Variants in PSMA8 observed in about 807,000 individuals in gnomAD.
PSMA8 encodes proteasome subunit alpha-type 8.
PSMA8 carries 18 observed loss-of-function variants against 32.4 expected under a neutral mutation model. The ratio of observed to expected loss-of-function variants is 0.56; its 90% CI spans 0.38 to 0.82. The LOEUF (loss-of-function observed/expected upper bound fraction) is 0.82, where lower values mean the gene tolerates loss of function less well. Among genes scored for constraint, PSMA8 ranks in the 40% least tolerant of loss-of-function variants. PSMA8 has a pLI of 0.00. For missense variants in PSMA8, 298 were observed against 300.7 expected, an observed-to-expected ratio of 0.99 and a Z score of 0.07; for synonymous variants, 104 against 98.1, an observed-to-expected ratio of 1.06 and a Z score of -0.36.
At chr18:26,140,522 A>G (rs1487933830) in intron 1 of PSMA8, among the ~76,000 whole-genome samples, 1 of 152,174 alleles carries the variant, frequency 6.6e-6, no homozygotes, top group Non-Finnish European at 1.5e-5. Context: ...TTCTTTTCTT[A>G]GGAAGTATTT....
intron 1 of PSMA8, among the ~76,000 whole-genome samples, chr18:26,136,668 G>A (rs1469360353): frequency 6.6e-6 from 1 of 152,088 alleles, no homozygotes; most frequent in Non-Finnish European, 1.5e-5. Flanking sequence ...ACAGAATATT[G>A]TACAGTATTT....
At chr18:26,134,969 A>G (rs2054900230) in intron 1 of PSMA8, among the ~76,000 whole-genome samples, 1 of 152,144 alleles carries the variant, frequency 6.6e-6, no homozygotes, top group African/African-American at 2.4e-5. Context: ...AAAAAAAAAA[A>G]AATCCCAAAA....
chr18:26,163,303 A>T (rs185400174), intron 4 of PSMA8, among the ~76,000 whole-genome samples: 116 of 145,900 alleles, frequency 8.0e-4, no homozygotes, highest in Non-Finnish European at 1.2e-3. Flanking sequence ...GAGGATAGAG[A>T]ATGACTGATA....
At chr18:26,164,469 A>T (rs1009155757) in intron 4 of PSMA8, among the ~76,000 whole-genome samples, 1 of 152,230 alleles carries the variant, frequency 6.6e-6, no homozygotes, top group Non-Finnish European at 1.5e-5. Context: ...TAAGAGGATA[A>T]ACTGGCATTA....
At chr18:26,159,465 T>C (rs1416307446) in intron 4 of PSMA8, among the ~76,000 whole-genome samples, 1 of 152,144 alleles carries the variant, frequency 6.6e-6, no homozygotes, top group Non-Finnish European at 1.5e-5. Context: ...ATCTCTTACC[T>C]GTACTAGATT....
At chr18:26,144,721 T>C in intron 2 of PSMA8, 36 bp downstream of exon 2, 4 of 1,606,990 alleles carry the variant, frequency 2.5e-6, no homozygotes, top group Non-Finnish European at 3.4e-6. Flanking sequence ...GCATAGTGTC[T>C]TACTGTAGTA....
intron 6 of PSMA8, among the ~76,000 whole-genome samples, chr18:26,183,525 A>G (rs193265074): frequency 6.6e-6 from 1 of 150,942 alleles, no homozygotes. Flanking sequence ...ATGTGGTACA[A>G]ATAGCAAGAG....
At chr18:26,165,436 G>A (rs2055170498) in intron 4 of PSMA8, among the ~76,000 whole-genome samples, 2 of 152,150 alleles carry the variant, frequency 1.3e-5, no homozygotes, top group African/African-American at 4.8e-5. Context: ...CTTTTCGTAA[G>A]TTTAAATTTT....
chr18:26,142,480 G>A (rs1014881894), intron 1 of PSMA8, among the ~76,000 whole-genome samples: 1 of 152,090 alleles, frequency 6.6e-6, no homozygotes, highest in African/African-American at 2.4e-5. Context: ...AGAAAAAGGA[G>A]CAATAGTCAC....
Position 26,191,923 on chromosome 18 carries a change from T to G in PSMA8, c.661-396T>G, listed in dbSNP as rs1001573520. On this transcript the variant is annotated intron_variant, in intron 6 of 6. Transcript: ENST00000415576. ...CTTTTCCCATTTCATTTCGCTATTC[T>G]ATAAACTGATCAAATTATTAAACCC... 2.6e-5 allele frequency among the ~76,000 whole-genome samples: 4 copies of G among 152,244 alleles called. No homozygotes were observed. The South Asian group carries it at 8.3e-4, about 32-fold the overall frequency.
At chr18:26,137,179 TG>T (rs1262432304) in intron 1 of PSMA8, among the ~76,000 whole-genome samples, 1 of 152,188 alleles carries the variant, frequency 6.6e-6, no homozygotes, top group East Asian at 1.9e-4. Context: ...CACTTGTGGC[TG>T]GGCGTGGTGG....
chr18:26,156,571 A>AC (rs2055090502), intron 3 of PSMA8, among the ~76,000 whole-genome samples: 1 of 151,710 alleles, frequency 6.6e-6, no homozygotes, highest in African/African-American at 2.4e-5. Context: ...GAAGACAAAT[A>AC]CTGCATGTCC....
chr18:26,146,865 G>T (rs923659278), intron 2 of PSMA8, among the ~76,000 whole-genome samples: 3 of 152,112 alleles, frequency 2.0e-5, no homozygotes, highest in Non-Finnish European at 2.9e-5. Context: ...ATATTTAATT[G>T]GTTCACAGTT....
intron 6 of PSMA8, among the ~76,000 whole-genome samples, chr18:26,190,236 G>T (rs2055390944): frequency 1.3e-5 from 2 of 152,050 alleles, no homozygotes; most frequent in South Asian, 4.2e-4. Context: ...ACACAACAGG[G>T]TAACTATAGT....
In PSMA8 at chr18:26,160,244, GC is replaced by G. The variant is rs774914943; in HGVS notation, c.477+2001del. Among the ~76,000 whole-genome samples the G allele has an allele frequency of 1.4e-4, 21 of 152,306 alleles. No homozygotes were observed. In the East Asian group the frequency reaches 3.7e-3, roughly 27 times the overall value. ...CACTTCAGCCCAAGAGTTTGAAGCT[GC>G]AGTAAGCTAGGATCATACCACTGCA... On this transcript the variant is annotated intron_variant, in intron 4 of 6. Transcript: ENST00000415576.
chr18:26,146,386 C>A (rs80234819), intron 2 of PSMA8, among the ~76,000 whole-genome samples: 3,492 of 152,108 alleles, frequency 0.023, 122 homozygotes, highest in African/African-American at 0.08. Context: ...AAATTAAAAC[C>A]TCATTCAGAA....
chr18:26,166,785 C>A (rs191008601), intron 4 of PSMA8, among the ~76,000 whole-genome samples: 199 of 152,250 alleles, frequency 1.3e-3, no homozygotes, highest in South Asian at 4.4e-3. Flanking sequence ...TTTAAGGAAA[C>A]AACTGACAGT....
intron 6 of PSMA8, among the ~76,000 whole-genome samples, chr18:26,191,590 C>A (rs1227474782): frequency 6.6e-6 from 1 of 151,896 alleles, no homozygotes; most frequent in Non-Finnish European, 1.5e-5. Flanking sequence ...GCAGAGGTTG[C>A]AATCACATCA....
At chr18:26,186,075 C>T (rs767378084) in intron 6 of PSMA8, among the ~76,000 whole-genome samples, 1 of 148,736 alleles carries the variant, frequency 6.7e-6, no homozygotes, top group Non-Finnish European at 1.5e-5. Flanking sequence ...CCCGTCTCTA[C>T]TAAAAATACA....
Sources: allele counts gnomAD v4.1 joint callset (sites outside exome capture counted in the v4.1 genomes callset), GRCh38; gene constraint gnomAD v4.1.1; transcripts MANE v1.5; gene names NCBI Gene and HGNC (gene_info 2026-07-23, HGNC 2026-07-21).